Variants in CHST15 observed in about 807,000 individuals in gnomAD.
The protein encoded by CHST15 is B cell RAG associated protein (GALNAC4S-6ST).
Under a neutral mutation model 53.6 loss-of-function variants are expected in CHST15, and 30 were observed. The observed-to-expected ratio is 0.56, with a 90% confidence interval of 0.42 to 0.76. CHST15 has a LOEUF of 0.76. Ranked by LOEUF, CHST15 falls within the 30% of genes least tolerant of loss-of-function variation. The probability of loss-of-function intolerance (pLI) is 0.00; values close to 1 mark genes in which losing one functional copy is unlikely to be tolerated. For missense variants in CHST15, 627 were observed against 740.5 expected, an observed-to-expected ratio of 0.85 and a Z score of 1.78; for synonymous variants, 296 against 289.8, an observed-to-expected ratio of 1.02 and a Z score of -0.22.
chr10:124,073,493 G>C (rs1948983110), intron 1 of CHST15, among the ~76,000 whole-genome samples: 1 of 152,234 alleles, frequency 6.6e-6, no homozygotes, highest in African/African-American at 2.4e-5. Context: ...TGGTTGCATA[G>C]GTGAGTTCTG....
At chr10:124,030,601 T>C (rs1947189193) in intron 5 of CHST15, among the ~76,000 whole-genome samples, 1 of 152,212 alleles carries the variant, frequency 6.6e-6, no homozygotes, top group African/African-American at 2.4e-5. Flanking sequence ...AATTTCCCTT[T>C]GAGATGGTTT....
At chr10:124,053,256 T>C (rs114903534) in intron 1 of CHST15, among the ~76,000 whole-genome samples, 5,233 of 152,234 alleles carry the variant, frequency 0.034, 285 homozygotes, top group African/African-American at 0.12. Context: ...TCGGTTTGAG[T>C]TGGGTGGCTC....
chr10:124,007,995 C>T lies in CHST15; in HGVS notation c.*2154G>A, dbSNP rs1269983384. On this transcript the variant is annotated 3_prime_UTR_variant, in exon 8 of 8. Coordinates refer to ENST00000435907, the MANE Select transcript of CHST15 (RefSeq NM_001270764.2). ...CGAAGTGCCCTCTGGAGAGAAAGGC[C>T]CCTGGAGGGAAAAACCATGTCTGGA... The T allele has an allele frequency of 8.1e-7, 1 of 1,231,902 alleles. No individual in the cohort carries two copies. The highest frequency in any genetic ancestry group is 1.6e-5 in the African/African-American group (1 of 64,356). 76.3% of individuals were successfully genotyped at this position (1,231,902 alleles called of 1,614,324 possible). A position where few individuals can be genotyped will look rare whatever the true frequency, so the allele number is the denominator to read the frequency against.
At chr10:124,066,774 T>C (rs551448295) in intron 1 of CHST15, among the ~76,000 whole-genome samples, 19 of 152,230 alleles carry the variant, frequency 1.2e-4, no homozygotes, top group Non-Finnish European at 2.5e-4. Context: ...TGCACCTCCC[T>C]CCTGGGGAGG....
chr10:124,088,043 G>A (rs758302342), intron 1 of CHST15, among the ~76,000 whole-genome samples: 15 of 152,190 alleles, frequency 9.9e-5, no homozygotes, highest in Non-Finnish European at 1.9e-4. Context: ...AGAATATACT[G>A]GAATCAAATA....
intron 1 of CHST15, among the ~76,000 whole-genome samples, chr10:124,065,567 A>G (rs529024472): frequency 1.3e-3 from 204 of 152,058 alleles, no homozygotes; most frequent in African/African-American, 4.5e-3. Flanking sequence ...GGGGTTCCCG[A>G]CACCCACAGA....
chr10:124,020,008 C>T (rs1946717376), intron 6 of CHST15: 1 of 985,590 alleles, frequency 1.0e-6, no homozygotes, highest in Admixed American at 6.1e-5. Context: ...TGCCTGAAGC[C>T]CCGTTCTCAG....
chr10:124,047,027 A>G (rs1054823514), intron 1 of CHST15, among the ~76,000 whole-genome samples: 3 of 152,182 alleles, frequency 2.0e-5, no homozygotes, highest in Non-Finnish European at 4.4e-5. Context: ...CTGCCTTGAT[A>G]CTTCTCAGGT....
intron 1 of CHST15, among the ~76,000 whole-genome samples, chr10:124,058,810 C>G (rs909045030): frequency 6.6e-6 from 1 of 152,220 alleles, no homozygotes; most frequent in Non-Finnish European, 1.5e-5. Flanking sequence ...ATATCCAGAA[C>G]AGAGTTCTTA....
intron 1 of CHST15, among the ~76,000 whole-genome samples, chr10:124,080,183 A>C (rs1949191870): frequency 6.6e-6 from 1 of 152,218 alleles, no homozygotes; most frequent in Non-Finnish European, 1.5e-5. Flanking sequence ...GCAGAGCTGC[A>C]AATGTCAGTG....
At chr10:124,082,314 G>T (rs534752820) in intron 1 of CHST15, among the ~76,000 whole-genome samples, 60 of 152,238 alleles carry the variant, frequency 3.9e-4, no homozygotes, top group Admixed American at 1.2e-3. Flanking sequence ...TCCAAAAACC[G>T]GTATTCAATC....
rs573806493 is a variant in CHST15 at position 124,071,349 on chromosome 10, G to A, written c.-513+22120C>T. 7.9e-5 allele frequency among the ~76,000 whole-genome samples: 12 copies of A among 152,358 alleles called. 1 individual carries two copies. In the South Asian group the frequency reaches 2.3e-3, roughly 29 times the overall value. ...CTTGTGGCCATCTATAGGGCCAGGT[G>A]TGCCATCAGCCTGAAACCCTGCTCC... On this transcript the variant is annotated intron_variant, in intron 1 of 7. Transcript: ENST00000435907.
intron 1 of CHST15, among the ~76,000 whole-genome samples, chr10:124,088,292 A>G (rs533177925): frequency 6.6e-6 from 1 of 152,332 alleles, no homozygotes; most frequent in South Asian, 2.1e-4. Context: ...ACGGCGTTAC[A>G]TAACTCTGAC....
Position 124,008,997 on chromosome 10 carries a change from A to C in CHST15, c.*1152T>G. On this transcript the variant is annotated 3_prime_UTR_variant, in exon 8 of 8. Transcript: ENST00000435907. ...AATCTCAACACGCCACGTTCAGCCC[A>C]AGTTCAGCTTGTGCATTGTGTTTTG... 1 of 1,289,156 alleles carries C rather than the reference A, an allele frequency of 7.8e-7. No homozygotes were observed. Among genetic ancestry groups the C allele is most frequent in the Non-Finnish European group, 1.0e-6 (1 of 988,696 alleles). The allele number at this position is 1,289,156 out of a possible 1,614,324, so 79.9% of individuals were successfully genotyped here.
Position 124,021,315 on chromosome 10 carries a change from T to G in CHST15, c.1288A>C (p.Met430Leu), listed in dbSNP as rs778594589. 6.2e-7 allele frequency: 1 copy of G among 1,613,032 alleles called. No individual in the cohort carries two copies. The highest frequency in any genetic ancestry group is 8.5e-7 in the Non-Finnish European group (1 of 1,179,868). The change falls in exon 6 of 8, where the codon ATG (methionine) becomes CTG (leucine). Residue 430 changes from methionine to leucine, a missense_variant. Physicochemically the swap from Met to Leu is conservative, Grantham distance 15. This residue lies in a region of CHST15 where 279 missense variants were observed against 371.6 expected (regional missense o/e 0.75). Transcript: ENST00000435907. ...CAGGCGCGCAGTGAATAATCAAGCA[T>G]GCAATTTTCAAACAGCTGCAGTGCT... ...TEALQLFENC[M>L]LDYSLRACVY...
intron 1 of CHST15, among the ~76,000 whole-genome samples, chr10:124,064,460 A>G (rs1050550285): frequency 2.0e-5 from 3 of 152,172 alleles, no homozygotes; most frequent in Non-Finnish European, 4.4e-5. Context: ...CTGGGAGTCC[A>G]TGGGGATTCA....
chr10:124,073,666 C>T (rs2134171512), intron 1 of CHST15, among the ~76,000 whole-genome samples: 1 of 152,334 alleles, frequency 6.6e-6, no homozygotes, highest in East Asian at 1.9e-4. Context: ...GCACAGCAAC[C>T]ATTCGACAGG....
intron 1 of CHST15, among the ~76,000 whole-genome samples, chr10:124,076,834 C>T (rs963673382): frequency 6.6e-6 from 1 of 152,004 alleles, no homozygotes; most frequent in Non-Finnish European, 1.5e-5. Flanking sequence ...CTCAGCCTCC[C>T]GAGGAGCTGG....
intron 1 of CHST15, among the ~76,000 whole-genome samples, chr10:124,067,672 A>T (rs979559524): frequency 6.6e-6 from 1 of 152,204 alleles, no homozygotes; most frequent in Admixed American, 6.5e-5. Flanking sequence ...CCTGGAGTGT[A>T]GTGGCATGAT....
Sources: gnomAD v4.1 joint callset for allele counts (sites outside exome capture counted in the v4.1 genomes callset) on GRCh38, gnomAD v4.1.1 for gene constraint, gnomAD v4.1.1 regional missense constraint, MANE v1.5 for transcripts, NCBI Gene and HGNC (gene_info 2026-07-23, HGNC 2026-07-21) for gene names.